TNFSF4: variants seen among roughly 807,000 people sequenced by gnomAD.
TNFSF4 encodes the protein tumor necrosis factor ligand superfamily member 4.
A neutral mutation model predicts 7.3 loss-of-function variants in TNFSF4; 4 were observed. The observed-to-expected ratio is 0.55, with a 90% CI of 0.27 to 1.25. The LOEUF (loss-of-function observed/expected upper bound fraction) is 1.25, where lower values mean the gene tolerates loss of function less well. Among genes scored for constraint, TNFSF4 ranks in the 50% most tolerant of loss-of-function variants. The pLI is 0.12. For synonymous variants in TNFSF4, 76 were observed against 83.7 expected, an observed-to-expected ratio of 0.91 and a Z score of 0.50; for missense variants, 181 against 208.8, an observed-to-expected ratio of 0.87 and a Z score of 0.82.
the TNFSF4 span, among the ~76,000 whole-genome samples, chr1:173,235,268 C>T: frequency 6.6e-6 from 1 of 152,092 alleles, no homozygotes; most frequent in African/African-American, 2.4e-5. Context: ...TACGTGGACA[C>T]ATTGAAAGGT....
chr1:173,241,123 C>T, the TNFSF4 span, among the ~76,000 whole-genome samples: 1 of 152,088 alleles, frequency 6.6e-6, no homozygotes, highest in African/African-American at 2.4e-5. Context: ...CTACAAAAGT[C>T]AAGAAAAAAC....
At chr1:173,188,387 A>G in intron 2 of TNFSF4, 134 bp downstream of exon 2, 1 of 707,314 alleles carries the variant, frequency 1.4e-6, no homozygotes, top group Non-Finnish European at 2.4e-6. Flanking sequence ...AGGCTACAAC[A>G]ATTCTGGGAT....
the TNFSF4 span, among the ~76,000 whole-genome samples, chr1:173,275,998 C>T: frequency 1.3e-5 from 2 of 151,898 alleles, no homozygotes; most frequent in African/African-American, 4.8e-5. Context: ...AACTGGTTGC[C>T]GTCAAAAAGA....
At chr1:173,334,712 G>A in the TNFSF4 span, among the ~76,000 whole-genome samples, 39 of 152,100 alleles carry the variant, frequency 2.6e-4, no homozygotes, top group Non-Finnish European at 3.5e-4. Flanking sequence ...CTTCTTTGCC[G>A]GTGGAAGAGG....
chr1:173,397,627 G>A, the TNFSF4 span, among the ~76,000 whole-genome samples: 1 of 152,164 alleles, frequency 6.6e-6, no homozygotes, highest in Non-Finnish European at 1.5e-5. Flanking sequence ...ATGCATAATT[G>A]AAACAGATAT....
the TNFSF4 span, among the ~76,000 whole-genome samples, chr1:173,365,620 G>T: frequency 6.6e-6 from 1 of 152,046 alleles, no homozygotes. Context: ...GTGAGTTTTT[G>T]ATTATTTTTT....
the TNFSF4 span, among the ~76,000 whole-genome samples, chr1:173,178,403 T>C: frequency 2.0e-5 from 3 of 152,054 alleles, no homozygotes; most frequent in Admixed American, 2.0e-4. Flanking sequence ...TGAAACCCTG[T>C]TTCTATTAAA....
the TNFSF4 span, among the ~76,000 whole-genome samples, chr1:173,283,927 CAAAAAAAAAAA>C: frequency 4.8e-5 from 3 of 62,436 alleles, no homozygotes; most frequent in African/African-American, 1.8e-4. Flanking sequence ...CTTATGAATG[CAAAAAAAAAAA>C]AAAAAAAAAG....
the TNFSF4 span, among the ~76,000 whole-genome samples, chr1:173,335,264 G>C: frequency 6.6e-6 from 1 of 152,086 alleles, no homozygotes; most frequent in Non-Finnish European, 1.5e-5. Context: ...TGGAATGTTA[G>C]AGTGGATATG....
the TNFSF4 span, among the ~76,000 whole-genome samples, chr1:173,408,853 G>C: frequency 6.6e-6 from 1 of 152,218 alleles, no homozygotes; most frequent in African/African-American, 2.4e-5. Flanking sequence ...GCCTCACAAA[G>C]AGTTGGGATT....
At chr1:173,188,660 G>T in intron 1 of TNFSF4, 91 bp from the exon 2 acceptor site, 3 of 1,061,712 alleles carry the variant, frequency 2.8e-6, no homozygotes, top group Non-Finnish European at 4.3e-6. Flanking sequence ...AAGCAGAAAT[G>T]CAGTAGCCTG....
At chr1:173,200,976 T>A (rs1401260000) in intron 1 of TNFSF4, among the ~76,000 whole-genome samples, 1 of 152,248 alleles carries the variant, frequency 6.6e-6, no homozygotes, top group Non-Finnish European at 1.5e-5. Context: ...CATTTCAGAA[T>A]GAAAGGCCTA....
chr1:173,395,037 T>TAGATGATAGATAGATAGATA, the TNFSF4 span, among the ~76,000 whole-genome samples: 2 of 94,068 alleles, frequency 2.1e-5, no homozygotes, highest in Admixed American at 1.2e-4. Flanking sequence ...GATAGATAGA[T>TAGATGATAGATAGATAGATA]GATAGATAGA....
At chr1:173,431,401 T>C in the TNFSF4 span, among the ~76,000 whole-genome samples, 3 of 152,230 alleles carry the variant, frequency 2.0e-5, no homozygotes. Context: ...GGGACGGGAT[T>C]TGTTAGTTGC....
At chr1:173,325,688 C>T in the TNFSF4 span, among the ~76,000 whole-genome samples, 1 of 152,244 alleles carries the variant, frequency 6.6e-6, no homozygotes, top group Non-Finnish European at 1.5e-5. Flanking sequence ...GGGGATATCA[C>T]CACCGATCCC....
chr1:173,366,158 G>A, the TNFSF4 span, among the ~76,000 whole-genome samples: 12 of 152,130 alleles, frequency 7.9e-5, no homozygotes, highest in Non-Finnish European at 1.3e-4. Flanking sequence ...TCAGTATATC[G>A]AAGAGATATC....
the TNFSF4 span, among the ~76,000 whole-genome samples, chr1:173,228,058 T>A: frequency 6.6e-6 from 1 of 152,134 alleles, no homozygotes; most frequent in African/African-American, 2.4e-5. Flanking sequence ...CAGAATTAAA[T>A]GTCCCTGTTT....
chr1:173,295,524 T>C, the TNFSF4 span, among the ~76,000 whole-genome samples: 2 of 152,122 alleles, frequency 1.3e-5, no homozygotes, highest in South Asian at 2.1e-4. Flanking sequence ...CTGGCACCCA[T>C]CAAATGGAAA....
chr1:173,355,113 C>T, the TNFSF4 span, among the ~76,000 whole-genome samples: 5 of 152,162 alleles, frequency 3.3e-5, no homozygotes, highest in Admixed American at 3.3e-4. Flanking sequence ...CTCATGCTCT[C>T]CCACCAGCAA....
Sources: gnomAD v4.1 joint callset for allele counts (sites outside exome capture counted in the v4.1 genomes callset) on GRCh38, gnomAD v4.1.1 for gene constraint, MANE v1.5 for transcripts, NCBI Gene and HGNC (gene_info 2026-07-23, HGNC 2026-07-21) for gene names.